The following CREB5 variants were observed in gnomAD, a reference collection of about 807,000 sequenced individuals.
CREB5 encodes the protein cyclic AMP-responsive element-binding protein 5.
A neutral mutation model predicts 57.1 loss-of-function variants in CREB5; 19 were observed. The ratio of observed to expected loss-of-function variants is 0.33; its 90% CI spans 0.23 to 0.49. CREB5 has a LOEUF of 0.49. CREB5 is among the 20% of genes least tolerant of loss of function. The pLI is 0.99. For synonymous variants in CREB5, 238 were observed against 238.3 expected, an observed-to-expected ratio of 1.00 and a Z score of 0.01; for missense variants, 579 against 671.6, an observed-to-expected ratio of 0.86 and a Z score of 1.52.
At chr7:28,789,683 G>C (rs1367526793) in intron 7 of CREB5, among the ~76,000 whole-genome samples, 1 of 152,106 alleles carries the variant, frequency 6.6e-6, no homozygotes, top group Non-Finnish European at 1.5e-5. Context: ...TGAAACCAAG[G>C]CTCAAAATTA....
At chr7:28,346,980 A>G (rs1011980432) in intron 1 of CREB5, among the ~76,000 whole-genome samples, 1 of 152,202 alleles carries the variant, frequency 6.6e-6, no homozygotes, top group Non-Finnish European at 1.5e-5. Flanking sequence ...GCAAGGACAA[A>G]GGAGGAAGTG....
intron 7 of CREB5, among the ~76,000 whole-genome samples, chr7:28,732,842 TG>T (rs1009015587): frequency 7.4e-5 from 9 of 121,674 alleles, no homozygotes; most frequent in East Asian, 2.0e-4. Context: ...GGTTTAGGGT[TG>T]TTTTTTTTTT....
At chr7:28,496,298 G>T (rs998206018) in intron 3 of CREB5, among the ~76,000 whole-genome samples, 2 of 152,170 alleles carry the variant, frequency 1.3e-5, no homozygotes, top group African/African-American at 4.8e-5. Flanking sequence ...GAAACAAACT[G>T]TCCTGCCAGG....
rs554807145 is a variant in CREB5, at chr7:28,491,160, C to T, written c.75+2914C>T. On this transcript the variant is annotated intron_variant, in intron 2 of 10. Coordinates refer to ENST00000357727, the MANE Select transcript of CREB5 (RefSeq NM_182898.4). ...AAGAGCACTAGGCAGTGACGGGAAG[C>T]GGAGTGATATAACGGTAGCCTGAGA... 4.4e-5 allele frequency: 42 copies of T among 962,890 alleles called. 1 individual carries two copies. In the South Asian group the frequency reaches 1.7e-3, roughly 38 times the overall value. The allele number at this position is 962,890 out of a possible 1,614,324, so 59.6% of individuals were successfully genotyped here. A position where few individuals can be genotyped will look rare whatever the true frequency, so the allele number is the denominator to read the frequency against.
At chr7:28,345,422 G>A (rs188067627) in intron 1 of CREB5, among the ~76,000 whole-genome samples, 2 of 152,210 alleles carry the variant, frequency 1.3e-5, no homozygotes, top group East Asian at 3.9e-4. Flanking sequence ...TGTTACTTTT[G>A]AGATCCCACT....
intron 4 of CREB5, among the ~76,000 whole-genome samples, chr7:28,513,138 G>A (rs1483473186): frequency 4.6e-5 from 7 of 152,208 alleles, no homozygotes; most frequent in Non-Finnish European, 7.3e-5. Context: ...CGGAAGGAGA[G>A]GCACTTTGCC....
At chr7:28,669,576 C>T (rs1029898850) in intron 5 of CREB5, among the ~76,000 whole-genome samples, 2 of 152,118 alleles carry the variant, frequency 1.3e-5, no homozygotes, top group African/African-American at 4.8e-5. Flanking sequence ...AGGCTTACAA[C>T]ACTTCTGAAA....
chr7:28,382,145 A>G (rs1283664807), intron 1 of CREB5, among the ~76,000 whole-genome samples: 1 of 152,214 alleles, frequency 6.6e-6, no homozygotes, highest in Non-Finnish European at 1.5e-5. Context: ...ATCCAAGAGC[A>G]GAAGGAGAAG....
chr7:28,729,153 A>G (rs540091181), intron 7 of CREB5, among the ~76,000 whole-genome samples: 85 of 152,230 alleles, frequency 5.6e-4, no homozygotes, highest in Non-Finnish European at 1.1e-3. Context: ...GATGAGAAAG[A>G]CAAGGCATCT....
rs555016357 is a variant in CREB5, at chr7:28,302,254, T to A, written c.-25+2813T>A. On this transcript the variant is annotated intron_variant, in intron 1 of 9. Coordinates refer to the CREB5 transcript ENST00000396299. ...AGTATTTCATTAATAATTTGAGGGT[T>A]TTTTTGGACTGATTTTTGGTTTCTA... 1.1e-4 allele frequency among the ~76,000 whole-genome samples: 17 copies of A among 151,466 alleles called. 1 individual carries two copies. The East Asian group carries it at 3.1e-3, about 28-fold the overall frequency.
chr7:28,480,786 T>C (rs1791290948), intron 1 of CREB5, among the ~76,000 whole-genome samples: 1 of 152,218 alleles, frequency 6.6e-6, no homozygotes. Flanking sequence ...ATGCGGTTCA[T>C]ACGCATTCAG....
At chr7:28,668,879 C>T (rs946736531) in intron 5 of CREB5, among the ~76,000 whole-genome samples, 2 of 152,154 alleles carry the variant, frequency 1.3e-5, no homozygotes, top group African/African-American at 4.8e-5. Context: ...CCGCTGCTAC[C>T]CTCCTCTTTC....
chr7:28,651,496 C>G (rs1452456925), intron 5 of CREB5, among the ~76,000 whole-genome samples: 2 of 152,144 alleles, frequency 1.3e-5, no homozygotes, highest in African/African-American at 2.4e-5. Context: ...AATCTCAGCA[C>G]TTTGAGAGGC....
intron 7 of CREB5, among the ~76,000 whole-genome samples, chr7:28,733,176 C>T (rs748271097): frequency 6.6e-6 from 1 of 152,092 alleles, no homozygotes; most frequent in Non-Finnish European, 1.5e-5. Flanking sequence ...ACCAGAGAGC[C>T]GAGTCAGTAA....
chr7:28,690,766 A>G (rs1023799437), intron 5 of CREB5, among the ~76,000 whole-genome samples: 1 of 152,224 alleles, frequency 6.6e-6, no homozygotes, highest in African/African-American at 2.4e-5. Context: ...TCCCTGCTGC[A>G]GGTACGGCCT....
intron 5 of CREB5, among the ~76,000 whole-genome samples, chr7:28,706,477 T>C (rs975022318): frequency 6.6e-6 from 1 of 152,210 alleles, no homozygotes; most frequent in African/African-American, 2.4e-5. Flanking sequence ...CAGAACCTAA[T>C]AATGGAATCA....
chr7:28,408,809 A>T (rs1356429254), upstream of CREB5, among the ~76,000 whole-genome samples: 1 of 152,146 alleles, frequency 6.6e-6, no homozygotes, highest in East Asian at 1.9e-4. Context: ...TGCTCTGAAA[A>T]GCCAGGATGC....
At chr7:28,405,605 C>T (rs1787562249) in intron 1 of CREB5, among the ~76,000 whole-genome samples, 1 of 152,100 alleles carries the variant, frequency 6.6e-6, no homozygotes, top group Non-Finnish European at 1.5e-5. Flanking sequence ...TGTAGAGACG[C>T]TCAGGCTGTC....
chr7:28,796,509 T>C (rs939034107), intron 7 of CREB5, among the ~76,000 whole-genome samples: 1 of 152,236 alleles, frequency 6.6e-6, no homozygotes, highest in Non-Finnish European at 1.5e-5. Flanking sequence ...TATATCTTTA[T>C]GGTTTACACA....
Sources: allele counts gnomAD v4.1 joint callset (sites outside exome capture counted in the v4.1 genomes callset), GRCh38; gene constraint gnomAD v4.1.1; transcripts MANE v1.5; gene names NCBI Gene and HGNC (gene_info 2026-07-23, HGNC 2026-07-21).